Variants in PACRG observed in about 807,000 individuals in gnomAD.
PACRG encodes parkin coregulated gene protein.
In PACRG, 29 loss-of-function variants were observed where a neutral mutation model predicts 29.7. The observed-to-expected ratio is 0.98, with a 90% CI of 0.73 to 1.33. The LOEUF is 1.33. Ranked by LOEUF, PACRG falls within the 40% of genes most tolerant of loss-of-function variation. PACRG has a pLI of 0.00. For synonymous variants in PACRG, 116 were observed against 118.7 expected (o/e 0.98, Z 0.15); for missense variants, 279 against 316.2 (o/e 0.88, Z 0.89).
intron 2 of PACRG, among the ~76,000 whole-genome samples, chr6:162,862,324 AG>A (rs1791928153): frequency 6.6e-6 from 1 of 152,160 alleles, no homozygotes; most frequent in African/African-American, 2.4e-5. Flanking sequence ...GGGAAGTGAG[AG>A]GGAAGTGCTG....
At chr6:163,206,607 A>C (rs1780913496) in intron 4 of PACRG, among the ~76,000 whole-genome samples, 1 of 152,316 alleles carries the variant, frequency 6.6e-6, no homozygotes, top group South Asian at 2.1e-4. Flanking sequence ...TACTATGCTT[A>C]GTACCTGGGT....
chr6:163,208,433 T>G (rs1055392113), intron 4 of PACRG, among the ~76,000 whole-genome samples: 2 of 152,054 alleles, frequency 1.3e-5, no homozygotes, highest in African/African-American at 4.8e-5. Context: ...AAAAAAAGAT[T>G]GTCAGGTTAT....
chr6:162,856,879 G>T (rs567909909), intron 2 of PACRG, among the ~76,000 whole-genome samples: 1 of 152,268 alleles, frequency 6.6e-6, no homozygotes, highest in East Asian at 1.9e-4. Flanking sequence ...TGGCTGAGAA[G>T]GCATCTGGAG....
chr6:163,041,237 T>C (rs1808677423), intron 2 of PACRG, among the ~76,000 whole-genome samples: 1 of 151,590 alleles, frequency 6.6e-6, no homozygotes, highest in South Asian at 2.1e-4. Context: ...CTTGGGAGGG[T>C]GAGGCAGGAG....
intron 2 of PACRG, among the ~76,000 whole-genome samples, chr6:162,918,679 A>G (rs772898602): frequency 6.6e-6 from 1 of 152,236 alleles, no homozygotes; most frequent in Non-Finnish European, 1.5e-5. Flanking sequence ...ACACATATGT[A>G]TTAGTTCATT....
At chr6:163,283,978 C>T (rs189554506) in intron 4 of PACRG, among the ~76,000 whole-genome samples, 44 of 151,202 alleles carry the variant, frequency 2.9e-4, no homozygotes, top group African/African-American at 9.0e-4. Flanking sequence ...CTGGGCATGG[C>T]GGTGCATGCC....
chr6:163,098,315 C>T (rs888461251), intron 4 of PACRG, among the ~76,000 whole-genome samples: 13 of 152,308 alleles, frequency 8.5e-5, no homozygotes, highest in African/African-American at 2.6e-4. Context: ...TCTCAGCCTA[C>T]GAGACACCCT....
At chr6:163,085,728 C>T (rs967614393) in intron 3 of PACRG, among the ~76,000 whole-genome samples, 3 of 152,228 alleles carry the variant, frequency 2.0e-5, no homozygotes, top group Admixed American at 6.5e-5. Context: ...GTTCCCACAT[C>T]TGGGAGCCTT....
chr6:163,038,082 G>A (rs369159830), intron 2 of PACRG, among the ~76,000 whole-genome samples: 6 of 152,162 alleles, frequency 3.9e-5, no homozygotes, highest in Admixed American at 3.9e-4. Context: ...GCTGATGTAT[G>A]TACTGTTATC....
At chr6:162,962,404 T>A (rs1474915721) in intron 2 of PACRG, among the ~76,000 whole-genome samples, 1 of 152,174 alleles carries the variant, frequency 6.6e-6, no homozygotes, top group Non-Finnish European at 1.5e-5. Context: ...GTGTAGTTGA[T>A]GTGATTGGGC....
intron 4 of PACRG, chr6:163,170,908 T>C (rs1016651827): frequency 1.3e-5 from 2 of 152,252 alleles, no homozygotes; most frequent in African/African-American, 4.8e-5. Context: ...ACTTCATTTG[T>C]AGCTCCTAAT....
At chr6:163,106,461 A>G (rs962457759) in intron 4 of PACRG, among the ~76,000 whole-genome samples, 8 of 152,214 alleles carry the variant, frequency 5.3e-5, no homozygotes, top group African/African-American at 1.9e-4. Flanking sequence ...CTAATTATTT[A>G]CTGTGATCTG....
At chr6:163,151,598 T>A (rs1778095433) in intron 4 of PACRG, among the ~76,000 whole-genome samples, 1 of 152,248 alleles carries the variant, frequency 6.6e-6, no homozygotes, top group African/African-American at 2.4e-5. Context: ...TAGGAAAATG[T>A]GCAAAATCCA....
intron 4 of PACRG, among the ~76,000 whole-genome samples, chr6:163,125,561 C>A (rs1291138988): frequency 6.6e-6 from 1 of 152,154 alleles, no homozygotes; most frequent in African/African-American, 2.4e-5. Flanking sequence ...AAGAAAAAGA[C>A]ACACAACTCA....
chr6:163,046,590 T>C (rs1041500720), intron 2 of PACRG: 20 of 152,098 alleles, frequency 1.3e-4, no homozygotes, highest in African/African-American at 4.6e-4. Flanking sequence ...ATACCAGTGA[T>C]GGCTTTGAAC....
intron 1 of PACRG, among the ~76,000 whole-genome samples, chr6:162,748,319 C>T (rs368127282): frequency 2.0e-5 from 3 of 152,056 alleles, no homozygotes; most frequent in South Asian, 2.1e-4. Context: ...GGTGAAACCC[C>T]GTCTCTAATA....
intron 1 of PACRG, among the ~76,000 whole-genome samples, chr6:162,807,230 A>G (rs1172921939): frequency 3.9e-5 from 6 of 152,200 alleles, no homozygotes; most frequent in African/African-American, 7.2e-5. Flanking sequence ...CGTATCAGCA[A>G]TAAGCCTGTT....
chr6:162,728,273 G>T lies in PACRG; in HGVS notation c.38G>T (p.Cys13Phe). The change falls in exon 1 of 5, where the codon TGC becomes TTC. Residue 13 changes from cysteine (C) to phenylalanine (F), a missense_variant. Transcript: ENST00000366888. ...AAAGAGACCCTGAGCTTAAACAAAT[G>T]CCCAGACAAGATGCCGAAGAGGACC... ...AEKETLSLNK[C>F]PDKMPKRTKL... 1 of 1,613,980 alleles carries T rather than the reference G, an allele frequency of 6.2e-7. No homozygotes were observed.
chr6:163,253,742 ACTAT>A (rs1436963311), intron 4 of PACRG, among the ~76,000 whole-genome samples: 5 of 152,180 alleles, frequency 3.3e-5, no homozygotes, highest in Non-Finnish European at 5.9e-5. Flanking sequence ...GCCACACAAA[ACTAT>A]CTTCCCTCAC....
Sources: gnomAD v4.1 joint callset for allele counts (sites outside exome capture counted in the v4.1 genomes callset) on GRCh38, gnomAD v4.1.1 for gene constraint, MANE v1.5 for transcripts, NCBI Gene and HGNC (gene_info 2026-07-23, HGNC 2026-07-21) for gene names.